The following RNF130 variants were observed in gnomAD, a reference collection of about 807,000 sequenced individuals.
RNF130 encodes ring finger protein 130, also known as E3 ubiquitin-protein ligase RNF130.
RNF130 carries 21 observed loss-of-function variants against 44.6 expected under a neutral mutation model. The observed-to-expected ratio is 0.47, with a 90% confidence interval of 0.33 to 0.68. The LOEUF (loss-of-function observed/expected upper bound fraction) is 0.68, where lower values mean the gene tolerates loss of function less well. Ranked by LOEUF, RNF130 falls within the 30% of genes least tolerant of loss-of-function variation. The pLI is 0.02. For synonymous variants in RNF130, 214 were observed against 210.4 expected (o/e 1.02, Z -0.15); for missense variants, 479 against 560.6 (o/e 0.85, Z 1.47).
chr5:180,058,515 C>T (rs76315806), intron 1 of RNF130, among the ~76,000 whole-genome samples: 36 of 152,036 alleles, frequency 2.4e-4, no homozygotes, highest in African/African-American at 8.5e-4. Flanking sequence ...GCAGGGGCTG[C>T]GGCAGAGGGG....
chr5:180,028,043 C>T (rs1174683376), intron 2 of RNF130, among the ~76,000 whole-genome samples: 1 of 152,240 alleles, frequency 6.6e-6, no homozygotes, highest in Non-Finnish European at 1.5e-5. Flanking sequence ...TACTATTACC[C>T]TATCCACCAT....
chr5:180,043,359 C>T (rs1486027585), intron 1 of RNF130, among the ~76,000 whole-genome samples: 3 of 151,460 alleles, frequency 2.0e-5, no homozygotes, highest in African/African-American at 7.3e-5. Context: ...TTCTTCAATG[C>T]TTAAAAAACA....
At chr5:180,046,209 G>C (rs1764562609) in intron 1 of RNF130, among the ~76,000 whole-genome samples, 3 of 152,140 alleles carry the variant, frequency 2.0e-5, no homozygotes, top group Admixed American at 2.0e-4. Context: ...CACTGACCGG[G>C]GCAGGTGCAG....
In RNF130 at chr5:179,955,747, C is replaced by G. The variant is rs1762198581; in HGVS notation, c.1245-78G>C. ...TAAAATAACAGAGAAGTGACCCTAA[C>G]TGAAGGGTGGCCTGGCTGTCCCCAG... On this transcript the variant is annotated intron_variant, in intron 8 of 8. Transcript: ENST00000521389. 2.4e-5 allele frequency: 29 copies of G among 1,221,190 alleles called. No homozygotes were observed. In the South Asian group the frequency reaches 4.3e-4, roughly 18 times the overall value. The allele number at this position is 1,221,190 out of a possible 1,614,324, so 75.6% of individuals were successfully genotyped here.
chr5:179,918,704 T>G (rs1457113218), exon 8 of RNF130: 4 of 152,134 alleles, frequency 2.6e-5, no homozygotes, highest in African/African-American at 9.7e-5. Context: ...CCAAAGCCCT[T>G]GGTAAAAGGT....
chr5:179,991,005 G>T (rs1449707174), intron 3 of RNF130, among the ~76,000 whole-genome samples: 2 of 152,148 alleles, frequency 1.3e-5, no homozygotes, highest in Non-Finnish European at 2.9e-5. Context: ...GCACCTGGGT[G>T]GCTTGTTGCC....
At chr5:179,939,196 T>C (rs889165016) in intron 7 of RNF130, among the ~76,000 whole-genome samples, 3 of 152,030 alleles carry the variant, frequency 2.0e-5, no homozygotes, top group East Asian at 1.9e-4. Context: ...CAGCCTGGGA[T>C]ACAGAGCAAG....
At chr5:179,921,153 T>A (rs932178571) in intron 7 of RNF130, among the ~76,000 whole-genome samples, 7 of 152,306 alleles carry the variant, frequency 4.6e-5, no homozygotes, top group Non-Finnish European at 1.5e-5. Flanking sequence ...AGCACATGTT[T>A]AAAGTACATC....
chr5:179,942,918 T>C (rs570685975), intron 7 of RNF130, among the ~76,000 whole-genome samples: 45 of 152,340 alleles, frequency 3.0e-4, no homozygotes, highest in African/African-American at 1.1e-3. Flanking sequence ...TTCTTCTGGC[T>C]GGGTGCCGTG....
intron 1 of RNF130, among the ~76,000 whole-genome samples, chr5:180,054,807 T>G (rs572425483): frequency 2.6e-5 from 4 of 152,334 alleles, no homozygotes; most frequent in Admixed American, 2.0e-4. Context: ...AAACAAGTCT[T>G]TGGACCTATG....
Position 180,013,241 on chromosome 5 carries a change from T to A in RNF130, c.513A>T (p.Lys171Asn), listed in dbSNP as rs765143785. ...RGKDILSYLE[K>N]NISVQMTIAV... ...CTATTGTCATTTGTACAGAGATGTT[T>A]TTCTCCAGATAACTCAAAATATCCT... The change falls in exon 3 of 9, where the codon AAA becomes AAT. Residue 171 changes from lysine (K) to asparagine (N), a missense_variant. By Grantham distance (94) the Lys-to-Asn change is moderately conservative. Coordinates refer to ENST00000521389, the MANE Select transcript of RNF130 (RefSeq NM_018434.6). 1.2e-6 allele frequency: 2 copies of A among 1,614,082 alleles called. No homozygotes were observed. Among genetic ancestry groups the A allele is most frequent in the African/African-American group, 2.7e-5 (2 of 74,924 alleles).
intron 2 of RNF130, 94 bp from the exon 3 acceptor site, chr5:180,013,405 G>A (rs1763637618): frequency 8.9e-7 from 1 of 1,122,880 alleles, no homozygotes; most frequent in Non-Finnish European, 1.2e-6. Context: ...CTACTATAAT[G>A]TCTGGTAATG....
rs192118123 is a variant in RNF130 at position 180,032,204 on chromosome 5, G to C, written c.442+8249C>G. 4.4e-4 allele frequency among the ~76,000 whole-genome samples: 67 copies of C among 152,146 alleles called. No homozygotes were observed. In the East Asian group the frequency reaches 0.012, roughly 26 times the overall value. On this transcript the variant is annotated intron_variant, in intron 2 of 8. Coordinates refer to ENST00000521389, the MANE Select transcript of RNF130 (RefSeq NM_018434.6). ...TTCAATGACAAAGGTTTTTAATTTTGATAAAATCTAATTTTTTTTATAAAC... is the reference window on the plus strand; with the variant it reads ...TTCAATGACAAAGGTTTTTAATTTTCATAAAATCTAATTTTTTTTATAAAC...
At chr5:180,012,564 T>C (rs571390937) in intron 3 of RNF130, among the ~76,000 whole-genome samples, 14 of 152,286 alleles carry the variant, frequency 9.2e-5, no homozygotes, top group South Asian at 2.1e-4. Context: ...ACATCTTCTA[T>C]TGGTCTTCCC....
chr5:179,960,095 G>C (rs546494691), intron 8 of RNF130, among the ~76,000 whole-genome samples: 2 of 152,194 alleles, frequency 1.3e-5, no homozygotes, highest in East Asian at 3.9e-4. Context: ...GGGAAAACTA[G>C]AGTGACACAA....
At chr5:179,998,724 G>A (rs1763257875) in intron 3 of RNF130, among the ~76,000 whole-genome samples, 1 of 151,494 alleles carries the variant, frequency 6.6e-6, no homozygotes, top group African/African-American at 2.4e-5. Flanking sequence ...ACTTCCATTT[G>A]GTCTAAAGTG....
chr5:180,049,656 A>C (rs1251825342), intron 1 of RNF130, among the ~76,000 whole-genome samples: 1 of 152,174 alleles, frequency 6.6e-6, no homozygotes, highest in African/African-American at 2.4e-5. Flanking sequence ...CCTGCACTTA[A>C]CACTATTCTG....
At chr5:179,972,540 G>A (rs959355553) in intron 5 of RNF130, among the ~76,000 whole-genome samples, 1 of 152,090 alleles carries the variant, frequency 6.6e-6, no homozygotes, top group Non-Finnish European at 1.5e-5. Context: ...GGGAGGCCTA[G>A]GTGCCTTGAC....
intron 5 of RNF130, among the ~76,000 whole-genome samples, chr5:179,971,490 C>T (rs1415128968): frequency 2.6e-5 from 4 of 152,214 alleles, no homozygotes; most frequent in Non-Finnish European, 5.9e-5. Flanking sequence ...CTGCCTTAGC[C>T]TCACAAGCAG....
Sources: allele counts gnomAD v4.1 joint callset (sites outside exome capture counted in the v4.1 genomes callset), GRCh38; gene constraint gnomAD v4.1.1; transcripts MANE v1.5; gene names NCBI Gene and HGNC (gene_info 2026-07-23, HGNC 2026-07-21).